The following MACROD1 variants were observed in gnomAD, a reference collection of about 807,000 sequenced individuals.
The protein encoded by MACROD1 is ADP-ribose glycohydrolase MACROD1.
A neutral mutation model predicts 41.4 loss-of-function variants in MACROD1; 31 were observed. That is an observed-to-expected ratio of 0.75 (90% CI 0.56 to 1.01). The LOEUF (loss-of-function observed/expected upper bound fraction) is 1.01, where lower values mean the gene tolerates loss of function less well. Ranked by LOEUF, MACROD1 falls within the 50% of genes least tolerant of loss-of-function variation. The pLI is 0.00. For synonymous variants in MACROD1, 252 were observed against 203.4 expected, an observed-to-expected ratio of 1.24 and a Z score of -2.03; for missense variants, 473 against 460.0, an observed-to-expected ratio of 1.03 and a Z score of -0.26.
chr11:64,088,319 C>A lies in MACROD1; in HGVS notation c.517+62920G>T, dbSNP rs117422055. 2.7e-4 allele frequency among the ~76,000 whole-genome samples: 41 copies of A among 152,076 alleles called. No individual in the cohort carries two copies. The East Asian group carries it at 7.4e-3, about 27-fold the overall frequency. On this transcript the variant is annotated intron_variant, in intron 3 of 10. Coordinates refer to ENST00000255681, the MANE Select transcript of MACROD1 (RefSeq NM_014067.4). ...TGCGTCACTAGGCTCGGTGGCCAGGCGGGGCCAGGGAGGGGCAGCATAGAC... is the reference window on the plus strand; with the variant it reads ...TGCGTCACTAGGCTCGGTGGCCAGGAGGGGCCAGGGAGGGGCAGCATAGAC...
At chr11:64,076,876 G>C (rs983971308) in intron 3 of MACROD1, among the ~76,000 whole-genome samples, 5 of 152,350 alleles carry the variant, frequency 3.3e-5, no homozygotes, top group Middle Eastern at 3.4e-3. Flanking sequence ...GCCTTCCCAA[G>C]CTGCCACACT....
chr11:64,105,745 C>T (rs573925006), intron 3 of MACROD1, among the ~76,000 whole-genome samples: 3 of 152,174 alleles, frequency 2.0e-5, no homozygotes, highest in Non-Finnish European at 2.9e-5. Context: ...CAGCATCCTC[C>T]CTGTGCCAAA....
At chr11:64,038,827 G>A (rs1040820366) in intron 3 of MACROD1, among the ~76,000 whole-genome samples, 8 of 152,158 alleles carry the variant, frequency 5.3e-5, no homozygotes, top group African/African-American at 1.7e-4. Flanking sequence ...AAGGACTTTC[G>A]GTTCCTGGGG....
chr11:64,047,528 G>A (rs1943607539), intron 3 of MACROD1, among the ~76,000 whole-genome samples: 2 of 152,140 alleles, frequency 1.3e-5, no homozygotes, highest in African/African-American at 4.8e-5. Context: ...ATTCACAGAG[G>A]ATCACATTTA....
intron 3 of MACROD1, among the ~76,000 whole-genome samples, chr11:64,029,851 C>G (rs189116887): frequency 3.7e-4 from 57 of 152,302 alleles, no homozygotes; most frequent in African/African-American, 1.3e-3. Context: ...ATATTCTCTG[C>G]TGGGAATGAT....
At chr11:64,108,625 T>G (rs1374879583) in intron 3 of MACROD1, among the ~76,000 whole-genome samples, 1 of 152,242 alleles carries the variant, frequency 6.6e-6, no homozygotes, top group Non-Finnish European at 1.5e-5. Context: ...TAGGGCTTCC[T>G]GTCTAGTGGG....
At chr11:64,002,592 C>G in intron 4 of MACROD1, among the ~76,000 whole-genome samples, 1 of 152,138 alleles carries the variant, frequency 6.6e-6, no homozygotes. Flanking sequence ...CAGCCTGGCC[C>G]CTCTTGCCTG....
intron 3 of MACROD1, among the ~76,000 whole-genome samples, chr11:64,132,496 G>A (rs542719538): frequency 2.6e-4 from 39 of 152,188 alleles, no homozygotes; most frequent in Admixed American, 1.7e-3. Context: ...CAAACCCAGG[G>A]TGAAGGGCTT....
At chr11:64,116,070 G>T in intron 3 of MACROD1, 1 of 739,884 alleles carries the variant, frequency 1.4e-6, no homozygotes, top group East Asian at 2.7e-5. Context: ...CTGGCACAAA[G>T]GCCACTCCTC....
intron 1 of MACROD1, among the ~76,000 whole-genome samples, chr11:64,156,141 G>A (rs1019296257): frequency 1.7e-4 from 25 of 151,032 alleles, no homozygotes; most frequent in African/African-American, 5.1e-4. Flanking sequence ...TCAGCTGAGC[G>A]TGGTGGACAT....
chr11:64,068,376 C>T (rs1052005703), intron 3 of MACROD1, among the ~76,000 whole-genome samples: 2 of 152,214 alleles, frequency 1.3e-5, no homozygotes, highest in East Asian at 1.9e-4. Context: ...CCCAGCTGCC[C>T]GCATGCCCTA....
At chr11:63,999,269 G>T in intron 8 of MACROD1, 62 bp downstream of exon 8, 8 of 1,523,318 alleles carry the variant, frequency 5.3e-6, no homozygotes, top group Non-Finnish European at 7.0e-6. Context: ...CCTGGGCGAT[G>T]ATGGGGGCTG....
rs943105373 is a variant in MACROD1 at position 64,036,746 on chromosome 11, G to T, written c.518-21465C>A. Among the ~76,000 whole-genome samples, 1 of 152,218 alleles carries T rather than the reference G, an allele frequency of 6.6e-6. No individual in the cohort carries two copies. Among genetic ancestry groups the T allele is most frequent in the African/African-American group, 2.4e-5 (1 of 41,454 alleles). On this transcript the variant is annotated intron_variant, in intron 3 of 10. Transcript: ENST00000255681. The surrounding 1 kb of genome is among the most constrained non-coding windows in gnomAD (Gnocchi z 5.6). ...ACCGTCAGCCCTGAGCCGGGCGGGG[G>T]CTGGGGCCGTACACCTGGCGGCTGG...
intron 1 of MACROD1, among the ~76,000 whole-genome samples, chr11:64,156,601 C>T (rs1463059706): frequency 2.0e-5 from 3 of 152,230 alleles, no homozygotes; most frequent in African/African-American, 7.2e-5. Flanking sequence ...GCAGAGTGAC[C>T]TGCCCCCAGT....
intron 4 of MACROD1, among the ~76,000 whole-genome samples, chr11:64,013,437 A>G (rs936776178): frequency 6.6e-6 from 1 of 152,232 alleles, no homozygotes; most frequent in Non-Finnish European, 1.5e-5. Context: ...AGGAACTGCC[A>G]GGGCAAAGGC....
intron 3 of MACROD1, among the ~76,000 whole-genome samples, chr11:64,135,362 A>G (rs967792738): frequency 6.6e-6 from 1 of 152,216 alleles, no homozygotes; most frequent in Non-Finnish European, 1.5e-5. Context: ...ACGGTCCCTA[A>G]AGAGCAACCC....
intron 1 of MACROD1, among the ~76,000 whole-genome samples, chr11:64,158,125 T>A (rs1945697539): frequency 6.6e-6 from 1 of 152,214 alleles, no homozygotes; most frequent in Non-Finnish European, 1.5e-5. Flanking sequence ...CCACTCTGGA[T>A]GAAATCCCAC....
chr11:64,040,883 C>G (rs1034693242), intron 3 of MACROD1, among the ~76,000 whole-genome samples: 1 of 152,034 alleles, frequency 6.6e-6, no homozygotes, highest in East Asian at 1.9e-4. Context: ...CCAGGCAGAC[C>G]GCAGGACCCA....
chr11:64,042,715 G>A (rs1943511968), intron 3 of MACROD1, among the ~76,000 whole-genome samples: 1 of 152,190 alleles, frequency 6.6e-6, no homozygotes, highest in Non-Finnish European at 1.5e-5. Context: ...ACAGTGGGGT[G>A]CTTCATGCCT....
Sources: allele counts gnomAD v4.1 joint callset (sites outside exome capture counted in the v4.1 genomes callset), GRCh38; gene constraint gnomAD v4.1.1; non-coding constraint Gnocchi (gnomAD v3.1); transcripts MANE v1.5; gene names NCBI Gene and HGNC (gene_info 2026-07-23, HGNC 2026-07-21).